Variants in DOCK4 observed in about 807,000 individuals in gnomAD.
DOCK4 encodes dedicator of cytokinesis protein 4.
Under a neutral mutation model 268.1 loss-of-function variants are expected in DOCK4, and 97 were observed. The ratio of observed to expected loss-of-function variants is 0.36; its 90% CI spans 0.31 to 0.43. DOCK4 has a LOEUF of 0.43. Ranked by LOEUF, DOCK4 falls within the 20% of genes least tolerant of loss-of-function variation. The probability of loss-of-function intolerance (pLI) is 1.00; values close to 1 mark genes in which losing one functional copy is unlikely to be tolerated. For missense variants in DOCK4, 2,145 were observed against 2,455.7 expected (o/e 0.87, Z 2.67); for synonymous variants, 954 against 887.2 (o/e 1.08, Z -1.34).
intron 25 of DOCK4, among the ~76,000 whole-genome samples, chr7:111,838,820 G>A (rs1803445277): frequency 6.6e-6 from 1 of 152,040 alleles, no homozygotes; most frequent in African/African-American, 2.4e-5. Context: ...ATACACATAT[G>A]TCAAAACTAA....
At chr7:111,753,641 A>C (rs1284180496) in intron 42 of DOCK4, among the ~76,000 whole-genome samples, 1 of 152,218 alleles carries the variant, frequency 6.6e-6, no homozygotes, top group Non-Finnish European at 1.5e-5. Flanking sequence ...TCAGATGCTG[A>C]CATCTGCAGA....
intron 32 of DOCK4, 73 bp downstream of exon 32, chr7:111,788,589 T>C: frequency 8.2e-7 from 1 of 1,217,596 alleles, no homozygotes; most frequent in Non-Finnish European, 1.2e-6. Context: ...TCAGCTACCG[T>C]GGTGCAGAGA....
intron 10 of DOCK4, among the ~76,000 whole-genome samples, chr7:111,940,959 T>C (rs1254715377): frequency 5.9e-5 from 9 of 152,200 alleles, no homozygotes; most frequent in Non-Finnish European, 1.3e-4. Flanking sequence ...AATTTGTCTC[T>C]AGGTGCTTTT....
chr7:112,055,484 C>T (rs891285286), intron 1 of DOCK4, among the ~76,000 whole-genome samples: 2 of 152,182 alleles, frequency 1.3e-5, no homozygotes, highest in African/African-American at 4.8e-5. Flanking sequence ...AATGTGCAAA[C>T]TCCACACAAA....
At chr7:112,135,689 T>C in intron 1 of DOCK4, among the ~76,000 whole-genome samples, 1 of 151,068 alleles carries the variant, frequency 6.6e-6, no homozygotes. Flanking sequence ...CACCAGAAAC[T>C]TTGAAGAAAA....
intron 1 of DOCK4, among the ~76,000 whole-genome samples, chr7:112,093,352 T>C (rs1809812719): frequency 1.3e-5 from 2 of 152,188 alleles, no homozygotes; most frequent in Admixed American, 6.5e-5. Flanking sequence ...TAAATTATTA[T>C]TTAAGCTAGT....
intron 7 of DOCK4, among the ~76,000 whole-genome samples, chr7:111,983,543 T>C (rs1450146041): frequency 6.6e-6 from 1 of 152,122 alleles, no homozygotes; most frequent in African/African-American, 2.4e-5. Context: ...ATTAGGTACA[T>C]TTCATACAAT....
chr7:111,994,483 G>C (rs908379296), intron 4 of DOCK4, among the ~76,000 whole-genome samples: 2 of 152,130 alleles, frequency 1.3e-5, no homozygotes, highest in Non-Finnish European at 2.9e-5. Flanking sequence ...CATCAGAAGG[G>C]TTGCACTCCA....
Position 111,727,050 on chromosome 7 carries a change from TA to T in DOCK4, c.*1223del, listed in dbSNP as rs2133333017. 1 of 152,752 alleles carries T rather than the reference TA, an allele frequency of 6.5e-6. No individual in the cohort carries two copies. Among genetic ancestry groups the T allele is most frequent in the African/African-American group, 2.4e-5 (1 of 41,582 alleles). 9.5% of individuals were successfully genotyped at this position (152,752 alleles called of 1,614,324 possible). A position where few individuals can be genotyped will look rare whatever the true frequency, so the allele number is the denominator to read the frequency against. On this transcript the variant is annotated 3_prime_UTR_variant, in exon 53 of 53. Transcript: ENST00000428084. ...CATATCTATTGTCAATTGAGTGTTA[TA>T]AACAGTCAGTAAAAGAAAAAACAAA... is the stretch of plus-strand genomic sequence containing the variant.
chr7:111,815,390 C>G (rs1801463219), intron 27 of DOCK4, among the ~76,000 whole-genome samples: 1 of 152,118 alleles, frequency 6.6e-6, no homozygotes. Context: ...CATTATTGCT[C>G]CTTCATTTTA....
intron 5 of DOCK4, among the ~76,000 whole-genome samples, chr7:111,993,913 A>G (rs969665642): frequency 2.6e-5 from 4 of 152,228 alleles, no homozygotes; most frequent in African/African-American, 9.6e-5. Flanking sequence ...TAGATGCCAG[A>G]AAAATAATCT....
At chr7:111,829,452 C>T (rs1802647264) in intron 26 of DOCK4, among the ~76,000 whole-genome samples, 1 of 152,086 alleles carries the variant, frequency 6.6e-6, no homozygotes, top group East Asian at 1.9e-4. Flanking sequence ...GGTTAAGCAC[C>T]ACAACTGGCT....
rs143625388 is a variant in DOCK4 at position 111,871,979 on chromosome 7, C to A, written c.2027+11G>T. 1 of 1,535,748 alleles carries A rather than the reference C, an allele frequency of 6.5e-7. No homozygotes were observed. The highest frequency in any genetic ancestry group is 8.8e-7 in the Non-Finnish European group (1 of 1,139,460). ...CCACTTCTAAACTAATTACAAGATA[C>A]AGGGCCTTACCTGTATGCAAGTGCC... On this transcript the variant is annotated intron_variant, in intron 20 of 52. Transcript: ENST00000428084.
intron 35 of DOCK4, among the ~76,000 whole-genome samples, chr7:111,780,083 G>T (rs1798699282): frequency 6.6e-6 from 1 of 152,158 alleles, no homozygotes. Context: ...AGTAGACAGG[G>T]CTTTGGTAAT....
At chr7:111,730,049 C>G (rs1044492647) in intron 52 of DOCK4, among the ~76,000 whole-genome samples, 4 of 152,168 alleles carry the variant, frequency 2.6e-5, no homozygotes, top group Non-Finnish European at 5.9e-5. Context: ...AAGGGCTGTC[C>G]CTTTTCACTT....
chr7:111,741,142 G>A lies in DOCK4; in HGVS notation c.4992C>T (p.Ser1664=). The A allele has an allele frequency of 6.2e-7, 1 of 1,613,902 alleles. No homozygotes were observed. Among genetic ancestry groups the A allele is most frequent in the Non-Finnish European group, 8.5e-7 (1 of 1,179,874 alleles). The change falls in exon 47 of 53, where the codon AGC becomes AGT. Residue 1664 remains serine, a synonymous_variant. Coordinates refer to ENST00000428084, the MANE Select transcript of DOCK4 (RefSeq NM_001363540.2). ...SLSSQASAEV[S]NITGQSESSD... is the part of the protein sequence containing the mutation. ...AGCTTTCTGATTGCCCTGTAATATTGCTTACTTCAGCAGAAGCTTGTGAGG... is the reference window on the plus strand; with the variant it reads ...AGCTTTCTGATTGCCCTGTAATATTACTTACTTCAGCAGAAGCTTGTGAGG...
chr7:111,808,801 C>T lies in DOCK4; in HGVS notation c.3166+20G>A. On this transcript the variant is annotated intron_variant, in intron 30 of 52. Transcript: ENST00000428084. ...GCGAGGAGCTGTATAGTAGATGTGG[C>T]TTCTCTTTTCCTCACTTACCTAGGT... 1 of 1,608,254 alleles carries T rather than the reference C, an allele frequency of 6.2e-7. No individual in the cohort carries two copies. Among genetic ancestry groups the T allele is most frequent in the Middle Eastern group, 1.7e-4 (1 of 6,052 alleles).
chr7:111,894,818 T>G (rs910867488), intron 16 of DOCK4, among the ~76,000 whole-genome samples: 2 of 152,178 alleles, frequency 1.3e-5, no homozygotes, highest in African/African-American at 4.8e-5. Flanking sequence ...AGCTTTTGAA[T>G]GGGTCTTAAG....
chr7:111,859,169 C>A (rs1455902549), intron 23 of DOCK4, among the ~76,000 whole-genome samples: 1 of 152,146 alleles, frequency 6.6e-6, no homozygotes, highest in Admixed American at 6.5e-5. Flanking sequence ...CAGGTATGCA[C>A]CACCACACCT....
Sources: gnomAD v4.1 joint callset for allele counts (sites outside exome capture counted in the v4.1 genomes callset) on GRCh38, gnomAD v4.1.1 for gene constraint, MANE v1.5 for transcripts, NCBI Gene and HGNC (gene_info 2026-07-23, HGNC 2026-07-21) for gene names.